Variants in MAP4 observed in about 807,000 individuals in gnomAD.
The protein encoded by MAP4 is microtubule-associated protein 4.
MAP4 carries 76 observed loss-of-function variants against 170.2 expected under a neutral mutation model. The observed-to-expected ratio is 0.45, with a 90% CI of 0.37 to 0.54. MAP4 has a LOEUF of 0.54. Among genes scored for constraint, MAP4 ranks in the 20% least tolerant of loss-of-function variants. The pLI is 0.00. For synonymous variants in MAP4, 909 were observed against 994.5 expected (o/e 0.91, Z 1.62); for missense variants, 2,506 against 2,748.0 (o/e 0.91, Z 1.97).
intron 4 of MAP4, among the ~76,000 whole-genome samples, chr3:47,923,912 A>G (rs2100044383): frequency 6.6e-6 from 1 of 152,170 alleles, no homozygotes; most frequent in South Asian, 2.1e-4. Context: ...TCCCAGTTCT[A>G]TATGGTTTGG....
intron 3 of MAP4, among the ~76,000 whole-genome samples, chr3:47,969,990 A>G (rs1441429606): frequency 1.3e-5 from 2 of 152,214 alleles, no homozygotes; most frequent in East Asian, 1.9e-4. Flanking sequence ...AAAGACCCCA[A>G]AAGACTTAAG....
At chr3:47,907,126 C>T (rs920787185) in intron 9 of MAP4, among the ~76,000 whole-genome samples, 2 of 152,078 alleles carry the variant, frequency 1.3e-5, no homozygotes, top group African/African-American at 2.4e-5. Flanking sequence ...TGAGCCACTG[C>T]GCCTGGCTTC....
chr3:47,862,069 G>A (rs1437908338), intron 17 of MAP4, among the ~76,000 whole-genome samples: 1 of 149,326 alleles, frequency 6.7e-6, no homozygotes, highest in Non-Finnish European at 1.5e-5. Context: ...GCTGAGACAG[G>A]AGAATCACTT....
intron 1 of MAP4, among the ~76,000 whole-genome samples, chr3:48,028,293 G>T (rs536467955): frequency 3.3e-5 from 5 of 151,562 alleles, no homozygotes; most frequent in Non-Finnish European, 5.9e-5. Flanking sequence ...CACCATCTCT[G>T]GGGGGGGAGG....
upstream of MAP4, among the ~76,000 whole-genome samples, chr3:48,019,183 A>G (rs1356077699): frequency 1.3e-5 from 2 of 152,044 alleles, no homozygotes. Context: ...ACAAAAAAAA[A>G]TGTTTTTAAT....
At position 47,909,979 on chromosome 3, in the gene MAP4, T is replaced by C. The variant is rs775360667; in HGVS notation, c.4442A>G (p.Asn1481Ser). The C allele has an allele frequency of 1.2e-6, 2 of 1,614,038 alleles. No individual in the cohort carries two copies. Among genetic ancestry groups the C allele is most frequent in the South Asian group, 2.2e-5 (2 of 91,086 alleles). The change falls in exon 9 of 21, where the codon AAC becomes AGC. Residue 1481 changes from asparagine to serine, a missense_variant. Coordinates refer to ENST00000683076, the MANE Select transcript of MAP4 (RefSeq NM_001385682.1). Reference protein sequence around the residue: ...AQISKSLMVDNYTKDGVPGQE... With the variant: ...AQISKSLMVDSYTKDGVPGQE... Reference sequence around the variant, plus strand: ...ACCTGGGACTCCATCTTTGGTGTAGTTATCTACCATTAATGATTTGGAAAT... The same window carrying C: ...ACCTGGGACTCCATCTTTGGTGTAGCTATCTACCATTAATGATTTGGAAAT...
intron 10 of MAP4, among the ~76,000 whole-genome samples, chr3:47,890,805 C>T (rs2100023487): frequency 6.6e-6 from 1 of 152,200 alleles, no homozygotes; most frequent in Non-Finnish European, 1.5e-5. Flanking sequence ...CATTATCTGT[C>T]ATGCTAGCAA....
chr3:48,066,363 G>A (rs1361061266), intron 1 of MAP4, among the ~76,000 whole-genome samples: 1 of 152,102 alleles, frequency 6.6e-6, no homozygotes, highest in South Asian at 2.1e-4. Context: ...GATGGTCCTT[G>A]TTCTTTTGTC....
chr3:47,919,837 TTTC>T (rs1220302782), intron 5 of MAP4, among the ~76,000 whole-genome samples: 1 of 152,206 alleles, frequency 6.6e-6, no homozygotes, highest in African/African-American at 2.4e-5. Context: ...CGAGTCTTAA[TTTC>T]TTCATCTGCA....
chr3:47,909,270 A>T lies in MAP4; in HGVS notation c.5151T>A (p.Ala1717=). Residue 1717 remains alanine (A), a synonymous_variant, in exon 9 of 21, where the codon GCT becomes GCA. Transcript: ENST00000683076. ...EVADTLVIMT[A]SKGVRLPEPK... ...GTTCTGGGAGTCGAACACCCTTGGA[A>T]GCAGTCATTATTACTAACGTATCCG... is the stretch of plus-strand genomic sequence containing the variant. 1 of 1,613,938 alleles carries T rather than the reference A, an allele frequency of 6.2e-7. No homozygotes were observed. The highest frequency in any genetic ancestry group is 8.5e-7 in the Non-Finnish European group (1 of 1,179,866).
At chr3:48,081,110 C>T (rs1159433325) in intron 1 of MAP4, among the ~76,000 whole-genome samples, 4 of 151,000 alleles carry the variant, frequency 2.6e-5, no homozygotes, top group Admixed American at 2.6e-4. Context: ...GGCGACAGAG[C>T]GAGACTCCAT....
At chr3:48,045,251 T>G (rs1170592696) in intron 1 of MAP4, among the ~76,000 whole-genome samples, 2 of 107,682 alleles carry the variant, frequency 1.9e-5, no homozygotes, top group African/African-American at 3.5e-5. Context: ...AGAGTGAGAC[T>G]CAGTCTCAAA....
chr3:47,974,718 A>G, intron 3 of MAP4: 12 of 982,262 alleles, frequency 1.2e-5, no homozygotes, highest in Non-Finnish European at 1.5e-5. Flanking sequence ...GAATGGGAAT[A>G]AGAAAGTCCT....
intron 12 of MAP4, among the ~76,000 whole-genome samples, chr3:47,873,231 T>C (rs1357636230): frequency 1.3e-5 from 2 of 152,236 alleles, no homozygotes; most frequent in African/African-American, 4.8e-5. Flanking sequence ...CTCTCAAGTA[T>C]AGATGCTTGG....
At chr3:47,857,986 G>C (rs1488256439) in intron 17 of MAP4, among the ~76,000 whole-genome samples, 2 of 150,014 alleles carry the variant, frequency 1.3e-5, no homozygotes, top group Non-Finnish European at 3.0e-5. Flanking sequence ...CAGAGTGTTG[G>C]GATTACAGGC....
At chr3:48,004,543 T>C (rs112660910) in intron 1 of MAP4, among the ~76,000 whole-genome samples, 1,855 of 152,306 alleles carry the variant, frequency 0.012, 43 homozygotes, top group African/African-American at 0.042. Flanking sequence ...TCTGCTAAGA[T>C]TGCCCTGAGT....
intron 4 of MAP4, among the ~76,000 whole-genome samples, chr3:47,925,368 C>T (rs1340499381): frequency 6.6e-6 from 1 of 152,102 alleles, no homozygotes; most frequent in Non-Finnish European, 1.5e-5. Context: ...CTTGCTGGCT[C>T]CTCTTCTTCC....
At chr3:47,854,440 A>C (rs1256023578) in intron 19 of MAP4, among the ~76,000 whole-genome samples, 1 of 152,172 alleles carries the variant, frequency 6.6e-6, no homozygotes, top group African/African-American at 2.4e-5. Flanking sequence ...TGGGGAGCAG[A>C]GATGGAAGGG....
chr3:47,865,725 C>T (rs1024089812), intron 17 of MAP4, among the ~76,000 whole-genome samples: 2 of 152,138 alleles, frequency 1.3e-5, no homozygotes, highest in Non-Finnish European at 2.9e-5. Flanking sequence ...TCAAAAGAAA[C>T]GGAGGCAAGA....
Sources: allele counts gnomAD v4.1 joint callset (sites outside exome capture counted in the v4.1 genomes callset), GRCh38; gene constraint gnomAD v4.1.1; transcripts MANE v1.5; gene names NCBI Gene and HGNC (gene_info 2026-07-23, HGNC 2026-07-21).